The following SYTL3 variants were observed in gnomAD, a reference collection of about 807,000 sequenced individuals.
SYTL3 encodes synaptotagmin-like protein 3.
A neutral mutation model predicts 82.1 loss-of-function variants in SYTL3; 88 were observed. That is an observed-to-expected ratio of 1.07 (90% CI 0.90 to 1.28). The LOEUF is 1.28. Ranked by LOEUF, SYTL3 falls within the 50% of genes most tolerant of loss-of-function variation. The pLI is 0.00. For synonymous variants in SYTL3, 311 were observed against 289.4 expected (o/e 1.07, Z -0.76); for missense variants, 831 against 757.6 (o/e 1.10, Z -1.14).
intron 5 of SYTL3, among the ~76,000 whole-genome samples, chr6:158,682,062 C>T (rs879580439): frequency 2.6e-5 from 4 of 152,116 alleles, no homozygotes; most frequent in Non-Finnish European, 5.9e-5. Flanking sequence ...GCCTCAGCCT[C>T]CCGAGTAGCT....
At chr6:158,688,321 G>A (rs542857278) in intron 6 of SYTL3, among the ~76,000 whole-genome samples, 93 of 152,188 alleles carry the variant, frequency 6.1e-4, no homozygotes, top group Non-Finnish European at 1.1e-3. Flanking sequence ...ATGAATACTT[G>A]AAAGGCTTTT....
At chr6:158,654,974 G>A (rs1462992890) in intron 2 of SYTL3, among the ~76,000 whole-genome samples, 1 of 152,208 alleles carries the variant, frequency 6.6e-6, no homozygotes, top group Non-Finnish European at 1.5e-5. Context: ...TAGCAGGGGA[G>A]TTAGGAGACT....
intron 6 of SYTL3, among the ~76,000 whole-genome samples, chr6:158,689,714 C>T (rs1338412352): frequency 2.0e-5 from 3 of 151,530 alleles, no homozygotes; most frequent in Non-Finnish European, 4.4e-5. Context: ...AGTACCATGG[C>T]GCAATCTTGG....
At chr6:158,688,481 C>T (rs563058171) in intron 6 of SYTL3, among the ~76,000 whole-genome samples, 128 of 152,112 alleles carry the variant, frequency 8.4e-4, no homozygotes, top group Admixed American at 1.7e-3. Flanking sequence ...AAAAACTAGA[C>T]GCCAGGCTCA....
rs146797165 is a variant in SYTL3, at chr6:158,658,571, C to T, written c.-636-2698C>T. Among the ~76,000 whole-genome samples the T allele has an allele frequency of 1.7e-3, 262 of 152,294 alleles. 2 individuals carry two copies. Among genetic ancestry groups the T allele is most frequent in the African/African-American group, 5.9e-3 (244 of 41,564 alleles). On this transcript the variant is annotated intron_variant, in intron 2 of 17. Coordinates refer to ENST00000611299, the MANE Select transcript of SYTL3 (RefSeq NM_001242394.2). ...CCATAGGATGATGCTCTATGCTATACCTCTTGGATCGTTGCAAAAAGTTAC... is the reference window on the plus strand; with the variant it reads ...CCATAGGATGATGCTCTATGCTATATCTCTTGGATCGTTGCAAAAAGTTAC...
intron 8 of SYTL3, among the ~76,000 whole-genome samples, chr6:158,713,039 C>T (rs1421630334): frequency 2.6e-5 from 4 of 152,138 alleles, no homozygotes; most frequent in Non-Finnish European, 5.9e-5. Context: ...GGATTACAGG[C>T]GTGAGCCACC....
intron 5 of SYTL3, among the ~76,000 whole-genome samples, chr6:158,676,159 A>G (rs1415607127): frequency 6.6e-6 from 1 of 152,216 alleles, no homozygotes; most frequent in Non-Finnish European, 1.5e-5. Context: ...AAACTATACT[A>G]CAAGGCTACA....
At chr6:158,654,154 C>G (rs538195895) in intron 2 of SYTL3, among the ~76,000 whole-genome samples, 8 of 152,330 alleles carry the variant, frequency 5.3e-5, no homozygotes, top group African/African-American at 1.9e-4. Flanking sequence ...CTGGGAAGCC[C>G]TCCCTGGTCC....
intron 6 of SYTL3, among the ~76,000 whole-genome samples, chr6:158,704,175 T>C (rs1239178418): frequency 6.6e-6 from 1 of 152,180 alleles, no homozygotes; most frequent in Non-Finnish European, 1.5e-5. Flanking sequence ...AGAATAATCT[T>C]TGTGACACAT....
chr6:158,713,752 C>G (rs554574211), intron 8 of SYTL3, 48 bp from the exon 9 acceptor site: 566 of 1,398,480 alleles, frequency 4.0e-4, no homozygotes, highest in Non-Finnish European at 5.0e-4. Flanking sequence ...GAGGCAAACA[C>G]AAGTCATCAA....
At chr6:158,755,884 C>G (rs562084373) in intron 13 of SYTL3, among the ~76,000 whole-genome samples, 2 of 152,108 alleles carry the variant, frequency 1.3e-5, no homozygotes, top group African/African-American at 2.4e-5. Context: ...AGTCAGTGCA[C>G]GTGAATCTGG....
At chr6:158,700,685 T>G (rs752792836) in intron 6 of SYTL3, among the ~76,000 whole-genome samples, 1 of 152,118 alleles carries the variant, frequency 6.6e-6, no homozygotes, top group Non-Finnish European at 1.5e-5. Context: ...GGAGCGATCT[T>G]GGCTCACTGC....
At chr6:158,678,465 G>A (rs368051402) in intron 5 of SYTL3, among the ~76,000 whole-genome samples, 2 of 152,166 alleles carry the variant, frequency 1.3e-5, no homozygotes, top group Non-Finnish European at 2.9e-5. Flanking sequence ...ATTACAACAC[G>A]TGTGTTTGGC....
intron 3 of SYTL3, among the ~76,000 whole-genome samples, chr6:158,661,980 C>G (rs73797072): frequency 0.012 from 1,854 of 152,184 alleles, 36 homozygotes; most frequent in African/African-American, 0.042. Context: ...TTATTTTATG[C>G]GTTTAAATAC....
intron 2 of SYTL3, among the ~76,000 whole-genome samples, chr6:158,652,073 G>A (rs1296390675): frequency 6.6e-6 from 1 of 150,986 alleles, no homozygotes; most frequent in Non-Finnish European, 1.5e-5. Context: ...GATTACAGGT[G>A]CCTGCCACCA....
intron 11 of SYTL3, among the ~76,000 whole-genome samples, chr6:158,729,627 T>A (rs1223023060): frequency 1.3e-5 from 2 of 150,002 alleles, no homozygotes; most frequent in South Asian, 4.2e-4. Flanking sequence ...AGTTTAGTGG[T>A]GCGATCTCAG....
intron 2 of SYTL3, among the ~76,000 whole-genome samples, chr6:158,653,842 C>T (rs1019254445): frequency 2.0e-5 from 3 of 152,236 alleles, no homozygotes; most frequent in Non-Finnish European, 4.4e-5. Context: ...ACGTTTCCCC[C>T]GTACCAGGGA....
intron 5 of SYTL3, among the ~76,000 whole-genome samples, chr6:158,681,141 AGTTTT>A (rs1341813649): frequency 2.6e-5 from 4 of 152,326 alleles, no homozygotes; most frequent in Admixed American, 2.6e-4. Context: ...GGAATTGGCC[AGTTTT>A]GTGGCACATT....
chr6:158,677,292 A>T (rs1275000125), intron 5 of SYTL3, among the ~76,000 whole-genome samples: 2 of 152,068 alleles, frequency 1.3e-5, no homozygotes, highest in Non-Finnish European at 2.9e-5. Context: ...CATTCTCAGC[A>T]AACTATCTCA....
Sources: gnomAD v4.1 joint callset for allele counts (sites outside exome capture counted in the v4.1 genomes callset) on GRCh38, gnomAD v4.1.1 for gene constraint, MANE v1.5 for transcripts, NCBI Gene and HGNC (gene_info 2026-07-23, HGNC 2026-07-21) for gene names.